CHRNB3: variants seen among roughly 807,000 people sequenced by gnomAD.
CHRNB3 encodes the protein cholinergic receptor nicotinic beta 3 subunit.
Under a neutral mutation model 40.6 loss-of-function variants are expected in CHRNB3, and 37 were observed. That is an observed-to-expected ratio of 0.91 (90% CI 0.70 to 1.20). CHRNB3 has a LOEUF of 1.20. Ranked by LOEUF, CHRNB3 falls within the 50% of genes most tolerant of loss-of-function variation. The pLI is 0.00. For synonymous variants in CHRNB3, 207 were observed against 207.1 expected (o/e 1.00, Z 0.00); for missense variants, 505 against 551.2 (o/e 0.92, Z 0.84).
intron 3 of CHRNB3, among the ~76,000 whole-genome samples, chr8:42,719,807 T>C (rs2128907118): frequency 6.6e-6 from 1 of 152,252 alleles, no homozygotes; most frequent in East Asian, 1.9e-4. Flanking sequence ...CTCGTCCAAG[T>C]TGTACAGCTA....
rs1816533086 is a variant in CHRNB3 at position 42,736,786 on chromosome 8, T to C, written c.*168T>C. 1 of 847,206 alleles carries C rather than the reference T, an allele frequency of 1.2e-6. No individual in the cohort carries two copies. The highest frequency in any genetic ancestry group is 2.5e-5 in the Admixed American group (1 of 40,246). 52.5% of individuals were successfully genotyped at this position (847,206 alleles called of 1,614,324 possible). On this transcript the variant is annotated 3_prime_UTR_variant, in exon 6 of 6. Coordinates refer to ENST00000289957, the MANE Select transcript of CHRNB3 (RefSeq NM_000749.5). ...CTCTGGTAAATGTGCTCATTTGTGGTTGCCATGAGAGTGAGCTGCTTTTAA... is the reference window on the plus strand; with the variant it reads ...CTCTGGTAAATGTGCTCATTTGTGGCTGCCATGAGAGTGAGCTGCTTTTAA...
intron 3 of CHRNB3, among the ~76,000 whole-genome samples, chr8:42,718,278 C>T (rs1816154100): frequency 6.6e-6 from 1 of 152,084 alleles, no homozygotes; most frequent in African/African-American, 2.4e-5. Flanking sequence ...TCTAAGATGA[C>T]TAGAGATCCC....
At chr8:42,697,868 T>C (rs1173120748) in intron 1 of CHRNB3, among the ~76,000 whole-genome samples, 2 of 152,072 alleles carry the variant, frequency 1.3e-5, no homozygotes, top group African/African-American at 4.8e-5. Context: ...GGTAAGAAAA[T>C]ACAAAAGCAG....
intron 3 of CHRNB3, among the ~76,000 whole-genome samples, chr8:42,716,700 G>C (rs62516756): frequency 0.057 from 8,715 of 152,076 alleles, 339 homozygotes; most frequent in Middle Eastern, 0.11. Flanking sequence ...ACATGGTGCC[G>C]TGGTGGCCCT....
intron 3 of CHRNB3, among the ~76,000 whole-genome samples, chr8:42,717,725 C>A (rs1040274373): frequency 1.3e-5 from 2 of 151,280 alleles, no homozygotes. Flanking sequence ...GCCTAGCTCA[C>A]AGTGTTGTCT....
At chr8:42,700,399 G>A (rs1815770063) in intron 1 of CHRNB3, among the ~76,000 whole-genome samples, 1 of 152,032 alleles carries the variant, frequency 6.6e-6, no homozygotes, top group African/African-American at 2.4e-5. Flanking sequence ...TTGGCTCACT[G>A]CAACCTTTGC....
At position 42,731,979 on chromosome 8, in the gene CHRNB3, G is replaced by A. The variant is rs1213299806; in HGVS notation, c.672G>A (p.Thr224=). The part of the protein sequence containing the change: ...RDGVYSYPFI[T]YSFVLRRLPL... ...GCGTGTACTCCTATCCCTTTATCAC[G>A]TATTCCTTCGTCCTGAGACGCCTGC... Residue 224 remains threonine, a synonymous_variant, in exon 5 of 6, where the codon ACG becomes ACA. Coordinates refer to ENST00000289957, the MANE Select transcript of CHRNB3 (RefSeq NM_000749.5). 4 of 1,613,954 alleles carry A rather than the reference G, an allele frequency of 2.5e-6. No homozygotes were observed. The highest frequency in any genetic ancestry group is 2.7e-5 in the African/African-American group (2 of 74,882).
Position 42,717,403 on chromosome 8 carries a change from A to AAAAAAAAAAAAAAAAAAAAAAAAAG in CHRNB3, c.249+6971_249+6972insAAAAAAAAAAAAAAAAAAAAAAGAA, listed in dbSNP as rs71221230. Among the ~76,000 whole-genome samples the AAAAAAAAAAAAAAAAAAAAAAAAAG allele has an allele frequency of 8.8e-4, 45 of 50,906 alleles. 18 individuals are homozygous for AAAAAAAAAAAAAAAAAAAAAAAAAG. Among genetic ancestry groups the AAAAAAAAAAAAAAAAAAAAAAAAAG allele is most frequent in the Non-Finnish European group, 1.2e-3 (31 of 26,716 alleles). The allele number at this position is 50,906 out of a possible 152,430, so 33.4% of individuals were successfully genotyped here. A position where few individuals can be genotyped will look rare whatever the true frequency, so the allele number is the denominator to read the frequency against. ...AAAAAAAAAAAAAAAAAAAAAAAAA[A>AAAAAAAAAAAAAAAAAAAAAAAAAG]AAGCCGACCTGTTGTGGAAAGGTCA... On this transcript the variant is annotated intron_variant, in intron 3 of 5. Transcript: ENST00000289957.
intron 2 of CHRNB3, 30 bp from the exon 3 acceptor site, chr8:42,710,360 A>T: frequency 6.6e-7 from 1 of 1,519,344 alleles, no homozygotes. Flanking sequence ...ACTTCAACTT[A>T]CAGTATTTTT....
At chr8:42,736,080 G>C (rs578078753) in intron 5 of CHRNB3, among the ~76,000 whole-genome samples, 2 of 152,064 alleles carry the variant, frequency 1.3e-5, no homozygotes. Flanking sequence ...TGGCCAGCTC[G>C]TCTCGAACTC....
At chr8:42,726,749 CA>C (rs1248073976) in intron 3 of CHRNB3, among the ~76,000 whole-genome samples, 5 of 152,078 alleles carry the variant, frequency 3.3e-5, no homozygotes, top group Non-Finnish European at 5.9e-5. Context: ...CTTGGCCTGC[CA>C]AAGTGCTGGG....
At position 42,736,703 on chromosome 8, in the gene CHRNB3, T is replaced by C; in HGVS notation, c.*85T>C. On this transcript the variant is annotated 3_prime_UTR_variant, in exon 6 of 6. Coordinates refer to ENST00000289957, the MANE Select transcript of CHRNB3 (RefSeq NM_000749.5). ...ACAGAATCCAAATGCATGTGCTTGT[T>C]CTACGAACCCCGAATGCGTTGTCTT... The C allele has an allele frequency of 6.7e-7, 1 of 1,489,012 alleles. No homozygotes were observed. Among genetic ancestry groups the C allele is most frequent in the Non-Finnish European group, 9.3e-7 (1 of 1,075,216 alleles). The allele number at this position is 1,489,012 out of a possible 1,614,324, so 92.2% of individuals were successfully genotyped here.
chr8:42,732,529 AAAG>A lies in CHRNB3; in HGVS notation c.1225_1227del (p.Glu409del), dbSNP rs1282585863. On this transcript the variant is annotated inframe_deletion, in exon 5 of 6. Coordinates refer to ENST00000289957, the MANE Select transcript of CHRNB3 (RefSeq NM_000749.5). ...TAGATACATTTCGAGACATGTGAAG[AAAG>A]AACATTTTATCAGCCAGGTGAGTAA... 6.3e-7 allele frequency: 1 copy of A among 1,597,522 alleles called. No individual in the cohort carries two copies. Among genetic ancestry groups the A allele is most frequent in the Non-Finnish European group, 8.5e-7 (1 of 1,174,110 alleles).
chr8:42,714,523 G>A (rs183173408), intron 3 of CHRNB3, among the ~76,000 whole-genome samples: 12 of 151,350 alleles, frequency 7.9e-5, no homozygotes, highest in Non-Finnish European at 1.6e-4. Flanking sequence ...ACTTTTTAAA[G>A]CTATATGGAT....
At chr8:42,727,279 A>T (rs1231226888) in intron 3 of CHRNB3, among the ~76,000 whole-genome samples, 1 of 151,510 alleles carries the variant, frequency 6.6e-6, no homozygotes, top group African/African-American at 2.4e-5. Flanking sequence ...AGGCTGAAGC[A>T]TGAGAATTAC....
intron 3 of CHRNB3, among the ~76,000 whole-genome samples, chr8:42,724,800 G>A (rs1816277616): frequency 6.6e-6 from 1 of 151,976 alleles, no homozygotes; most frequent in South Asian, 2.1e-4. Context: ...CCAACACGGT[G>A]AAACCCCATC....
chr8:42,704,571 T>G (rs1250307325), intron 1 of CHRNB3: 1 of 152,210 alleles, frequency 6.6e-6, no homozygotes, highest in Non-Finnish European at 1.5e-5. Flanking sequence ...GACTGGACAG[T>G]TTTTCTTTTG....
intron 3 of CHRNB3, chr8:42,726,055 A>G: frequency 1.1e-6 from 1 of 948,916 alleles, no homozygotes; most frequent in Non-Finnish European, 1.7e-6. Context: ...GTCACCAGGA[A>G]TCTTGTAGGA....
rs987803361 is a variant in CHRNB3 at position 42,718,608 on chromosome 8, G to A, written c.249+8174G>A. On this transcript the variant is annotated intron_variant, in intron 3 of 5. Coordinates refer to ENST00000289957, the MANE Select transcript of CHRNB3 (RefSeq NM_000749.5). ...GAATGGCGTGAACCTGGGAGGCAGA[G>A]CTTGCAGTGAGCCGAGATGGCGCCA... is the stretch of plus-strand genomic sequence containing the variant. Among the ~76,000 whole-genome samples the A allele has an allele frequency of 1.5e-4, 23 of 148,476 alleles. No individual in the cohort carries two copies. The East Asian group carries it at 4.3e-3, about 28-fold the overall frequency.
Sources: allele counts gnomAD v4.1 joint callset (sites outside exome capture counted in the v4.1 genomes callset), GRCh38; gene constraint gnomAD v4.1.1; transcripts MANE v1.5; gene names NCBI Gene and HGNC (gene_info 2026-07-23, HGNC 2026-07-21).